The following XKR9 variants were observed in gnomAD, a reference collection of about 807,000 sequenced individuals.
XKR9 encodes the protein XK related 9, also known as XK-related protein 9.
In XKR9, 32 loss-of-function variants were observed where a neutral mutation model predicts 32.0. That is an observed-to-expected ratio of 1.00 (90% CI 0.76 to 1.34). XKR9 has a LOEUF of 1.34. Ranked by LOEUF, XKR9 falls within the 40% of genes most tolerant of loss-of-function variation. The probability of loss-of-function intolerance (pLI) is 0.00; values close to 1 mark genes in which losing one functional copy is unlikely to be tolerated. For synonymous variants in XKR9, 168 were observed against 143.4 expected (o/e 1.17, Z -1.22); for missense variants, 546 against 429.7 (o/e 1.27, Z -2.39).
At chr8:70,745,395 T>C (rs896087762) in intron 2 of XKR9, among the ~76,000 whole-genome samples, 1 of 152,192 alleles carries the variant, frequency 6.6e-6, no homozygotes, top group Non-Finnish European at 1.5e-5. Flanking sequence ...TGAGCAATAC[T>C]TTCATAAAAG....
the XKR9 span, among the ~76,000 whole-genome samples, chr8:71,020,539 TAGG>T: frequency 6.6e-6 from 1 of 152,222 alleles, no homozygotes; most frequent in Non-Finnish European, 1.5e-5. Context: ...TCTGCACAAA[TAGG>T]AGAAGATAGA....
intron 2 of XKR9, among the ~76,000 whole-genome samples, chr8:70,760,317 A>G (rs1265870233): frequency 3.9e-5 from 6 of 152,112 alleles, no homozygotes; most frequent in Admixed American, 3.3e-4. Flanking sequence ...TATTTTACCT[A>G]TTTGCTCATT....
At chr8:70,783,943 C>A (rs1408398867) in intron 2 of XKR9, among the ~76,000 whole-genome samples, 2 of 152,132 alleles carry the variant, frequency 1.3e-5, no homozygotes, top group African/African-American at 4.8e-5. Context: ...TTCCCGACAC[C>A]ATTTATTGAA....
chr8:70,763,312 T>C (rs1471114), intron 2 of XKR9, among the ~76,000 whole-genome samples: 61,283 of 152,000 alleles, frequency 0.4, 13,891 homozygotes, highest in Non-Finnish European at 0.52. Flanking sequence ...CTTACTTAGT[T>C]CACATGTTTG....
the XKR9 span, among the ~76,000 whole-genome samples, chr8:70,855,243 G>A: frequency 2.0e-5 from 3 of 152,120 alleles, no homozygotes; most frequent in East Asian, 5.8e-4. Context: ...AAAATTAGAC[G>A]AATGGTTAAC....
chr8:70,699,368 G>T (rs1363570295), intron 3 of XKR9, among the ~76,000 whole-genome samples: 1 of 151,934 alleles, frequency 6.6e-6, no homozygotes, highest in African/African-American at 2.4e-5. Flanking sequence ...GCTCTTTTAG[G>T]GCAGGCCTGG....
the XKR9 span, among the ~76,000 whole-genome samples, chr8:70,850,011 T>C: frequency 6.6e-6 from 1 of 150,854 alleles, no homozygotes; most frequent in Admixed American, 6.6e-5. Context: ...CAGGACCAGA[T>C]GGATTCACAA....
At chr8:70,740,125 C>G (rs576774113), downstream of XKR9, among the ~76,000 whole-genome samples, 3 of 152,270 alleles carry the variant, frequency 2.0e-5, no homozygotes, top group South Asian at 4.1e-4. Flanking sequence ...TAGATTTGGT[C>G]TTTTCACATA....
the XKR9 span, among the ~76,000 whole-genome samples, chr8:70,983,667 G>T: frequency 6.6e-6 from 1 of 152,094 alleles, no homozygotes; most frequent in Admixed American, 6.5e-5. Context: ...TGTAATCCCA[G>T]CTACTCAGGA....
chr8:70,812,316 C>G, the XKR9 span, among the ~76,000 whole-genome samples: 8 of 152,136 alleles, frequency 5.3e-5, no homozygotes, highest in South Asian at 1.4e-3. Flanking sequence ...CTATGTACGA[C>G]AAACCCACAG....
At chr8:70,767,328 G>A (rs1807391148) in intron 2 of XKR9, among the ~76,000 whole-genome samples, 1 of 152,016 alleles carries the variant, frequency 6.6e-6, no homozygotes, top group South Asian at 2.1e-4. Context: ...TTAGTCTTGG[G>A]AGGGTGTATC....
At chr8:70,690,353 T>TA (rs774160697) in intron 3 of XKR9, among the ~76,000 whole-genome samples, 8 of 152,082 alleles carry the variant, frequency 5.3e-5, no homozygotes, top group South Asian at 2.1e-4. Flanking sequence ...TTTTTGGAGA[T>TA]AGAGTCTCAC....
the XKR9 span, among the ~76,000 whole-genome samples, chr8:70,852,702 C>T: frequency 6.6e-6 from 1 of 151,900 alleles, no homozygotes; most frequent in Non-Finnish European, 1.5e-5. Flanking sequence ...TTTTCAGGGA[C>T]GTGGATGAAG....
chr8:71,039,515 C>T, the XKR9 span, among the ~76,000 whole-genome samples: 2 of 152,136 alleles, frequency 1.3e-5, no homozygotes, highest in Non-Finnish European at 2.9e-5. Flanking sequence ...ATATGCATTA[C>T]TTTCGCACTC....
the XKR9 span, among the ~76,000 whole-genome samples, chr8:70,875,756 C>T: frequency 6.6e-6 from 1 of 152,100 alleles, no homozygotes; most frequent in African/African-American, 2.4e-5. Context: ...GACTACCTTT[C>T]AGTAATTTAT....
chr8:70,729,956 A>G (rs1303699636), intron 4 of XKR9, among the ~76,000 whole-genome samples: 2 of 152,224 alleles, frequency 1.3e-5, no homozygotes, highest in East Asian at 3.8e-4. Flanking sequence ...TTATAATTTG[A>G]TTTTGGAAAG....
chr8:70,881,388 T>C, the XKR9 span, among the ~76,000 whole-genome samples: 3 of 151,986 alleles, frequency 2.0e-5, no homozygotes, highest in Non-Finnish European at 4.4e-5. Flanking sequence ...AGGGCTAATA[T>C]CCAGGATCTA....
the XKR9 span, among the ~76,000 whole-genome samples, chr8:71,064,988 T>C: frequency 6.6e-6 from 1 of 152,188 alleles, no homozygotes. Flanking sequence ...CTATATGACC[T>C]TGGGCCAGCC....
At chr8:70,730,278 C>G (rs368232771) in intron 4 of XKR9, among the ~76,000 whole-genome samples, 2 of 152,056 alleles carry the variant, frequency 1.3e-5, no homozygotes, top group African/African-American at 4.8e-5. Context: ...AGTGCATCTT[C>G]AATGTTAAAG....
Sources: allele counts gnomAD v4.1 joint callset (sites outside exome capture counted in the v4.1 genomes callset), GRCh38; gene constraint gnomAD v4.1.1; transcripts MANE v1.5; gene names NCBI Gene and HGNC (gene_info 2026-07-23, HGNC 2026-07-21).